Variants in TAAR1 observed in about 807,000 individuals in gnomAD.
TAAR1 encodes the protein trace amine-associated receptor 1.
Under a neutral mutation model 1.2 loss-of-function variants are expected in TAAR1, and 1 was observed. That is an observed-to-expected ratio of 0.81 (90% CI 0.29 to 3.86). The LOEUF is 3.86. Among genes scored for constraint, TAAR1 ranks in the 30% most tolerant of loss-of-function variants. TAAR1 has a pLI of 0.18. For missense variants in TAAR1, 445 were observed against 405.6 expected, an observed-to-expected ratio of 1.10 and a Z score of -0.83; for synonymous variants, 153 against 132.2, an observed-to-expected ratio of 1.16 and a Z score of -1.08.
chr6:132,658,022 C>T (rs1777825922), intron 1 of TAAR1, among the ~76,000 whole-genome samples: 1 of 151,794 alleles, frequency 6.6e-6, no homozygotes, highest in African/African-American at 2.4e-5. Context: ...ATCTATTTTA[C>T]CTTTGTACTA....
chr6:132,649,796 G>A (rs572922933), intron 1 of TAAR1, among the ~76,000 whole-genome samples: 4 of 152,170 alleles, frequency 2.6e-5, no homozygotes, highest in Admixed American at 2.6e-4. Context: ...CATGACACGT[G>A]GGGATTATGA....
Position 132,644,926 on chromosome 6 carries a change from T to C in TAAR1, c.*58A>G, listed in dbSNP as rs977398773. On this transcript the variant is annotated 3_prime_UTR_variant, in exon 2 of 2. Transcript: ENST00000275216. Reference sequence around the variant, plus strand: ...TGTGGTTGGTGCATGTGGTTCGTTATGTTGTGTTCATAAATATGATCATCA... The same window carrying C: ...TGTGGTTGGTGCATGTGGTTCGTTACGTTGTGTTCATAAATATGATCATCA... The C allele has an allele frequency of 1.0e-5, 14 of 1,389,094 alleles. No homozygotes were observed. The highest frequency in any genetic ancestry group is 5.0e-4 in the Middle Eastern group (2 of 4,014). 86.0% of individuals were successfully genotyped at this position (1,389,094 alleles called of 1,614,324 possible). A position where few individuals can be genotyped will look rare whatever the true frequency, so the allele number is the denominator to read the frequency against.
chr6:132,656,345 T>C (rs1472500489), intron 1 of TAAR1, among the ~76,000 whole-genome samples: 1 of 152,100 alleles, frequency 6.6e-6, no homozygotes, highest in African/African-American at 2.4e-5. Context: ...AATACACATA[T>C]ATTTAAATTT....
intron 1 of TAAR1, among the ~76,000 whole-genome samples, chr6:132,647,691 GGAAGGAAGGAAA>G (rs1315756921): frequency 1.3e-5 from 2 of 151,092 alleles, no homozygotes; most frequent in African/African-American, 4.9e-5. Context: ...AAGAAAGAAA[GGAAGGAAGGAAA>G]GAAGGAAGGA....
At chr6:132,646,219 T>C (rs1171026277) in intron 1 of TAAR1, among the ~76,000 whole-genome samples, 90 bp from the exon 2 acceptor site, 3 of 152,152 alleles carry the variant, frequency 2.0e-5, no homozygotes, top group Non-Finnish European at 4.4e-5. Context: ...TGAAGAATAG[T>C]TATTTTGGAA....
chr6:132,647,623 GGAAAGAAA>G (rs1554208955), intron 1 of TAAR1, among the ~76,000 whole-genome samples: 6,339 of 102,850 alleles, frequency 0.062, 205 homozygotes, highest in South Asian at 0.078. Context: ...GAAAGAAAAA[GGAAAGAAA>G]GAAAGAAAGA....
chr6:132,658,550 A>AT (rs1400459110), intron 1 of TAAR1, among the ~76,000 whole-genome samples: 1 of 152,140 alleles, frequency 6.6e-6, no homozygotes, highest in Non-Finnish European at 1.5e-5. Flanking sequence ...GTTGAAAGGG[A>AT]TTATGTTAAT....
At chr6:132,654,658 T>A (rs1777783981) in intron 1 of TAAR1, among the ~76,000 whole-genome samples, 1 of 152,224 alleles carries the variant, frequency 6.6e-6, no homozygotes, top group Admixed American at 6.5e-5. Context: ...CCATGTATAC[T>A]TTAAAAAGGA....
At position 132,651,655 on chromosome 6, in the gene TAAR1, A is replaced by G. The variant is rs75499519; in HGVS notation, c.-126-5526T>C. Among the ~76,000 whole-genome samples, 1,052 of 152,268 alleles carry G rather than the reference A, an allele frequency of 6.9e-3. 15 individuals are homozygous for G. Among genetic ancestry groups the G allele is most frequent in the African/African-American group, 0.024 (984 of 41,544 alleles). ...TATCACCATCCTGGTCCAAGCCACC[A>G]ACAATCTCCAGATTAATCTAATAAC... is the stretch of plus-strand genomic sequence containing the variant. On this transcript the variant is annotated intron_variant, in intron 1 of 1. Coordinates refer to ENST00000275216, the MANE Select transcript of TAAR1 (RefSeq NM_138327.4).
chr6:132,658,901 T>C (rs1240582018), intron 1 of TAAR1, among the ~76,000 whole-genome samples: 1 of 152,178 alleles, frequency 6.6e-6, no homozygotes, highest in Non-Finnish European at 1.5e-5. Context: ...TATTTAAAAA[T>C]ATATAACCAT....
In TAAR1 at chr6:132,644,350, G is replaced by T. The variant is rs141728882; in HGVS notation, c.*634C>A. 6.7e-3 allele frequency among the ~76,000 whole-genome samples: 1,004 copies of T among 150,924 alleles called. 8 individuals are homozygous for T. The highest frequency in any genetic ancestry group is 7.6e-3 in the Non-Finnish European group (514 of 67,608). Reference sequence around the variant, plus strand: ...TAATCCTTACCAGGAAGTATACTATGAATAACATTTTTTTAATTTCATTTG... The same window carrying T: ...TAATCCTTACCAGGAAGTATACTATTAATAACATTTTTTTAATTTCATTTG... On this transcript the variant is annotated 3_prime_UTR_variant, in exon 2 of 2. Transcript: ENST00000275216.
chr6:132,654,914 G>A (rs1430840752), intron 1 of TAAR1, among the ~76,000 whole-genome samples: 1 of 152,184 alleles, frequency 6.6e-6, no homozygotes, highest in Non-Finnish European at 1.5e-5. Flanking sequence ...AAAATCAAGA[G>A]TGAGGAAAGT....
chr6:132,649,863 T>C (rs989450333), intron 1 of TAAR1, among the ~76,000 whole-genome samples: 1 of 152,138 alleles, frequency 6.6e-6, no homozygotes, highest in African/African-American at 2.4e-5. Context: ...AACTTCCTCC[T>C]ATTGCAGGCA....
In TAAR1 at chr6:132,645,159, G is replaced by A; in HGVS notation, c.845C>T (p.Pro282Leu). 1.2e-6 allele frequency: 2 copies of A among 1,612,526 alleles called. No homozygotes were observed. Among genetic ancestry groups the A allele is most frequent in the Non-Finnish European group, 1.7e-6 (2 of 1,179,444 alleles). ...VMDPFLHYII[P>L]PTLNDVLIWF... ...AATCAATACATCATTCAAAGTAGGT[G>A]GAATAATGTAGTGAAGAAAAGGGTC... is the stretch of plus-strand genomic sequence containing the variant. The change falls in exon 2 of 2, where the codon CCA becomes CTA. Residue 282 changes from proline to leucine, a missense_variant. Transcript: ENST00000275216.
chr6:132,645,393 G>A lies in TAAR1; in HGVS notation c.611C>T (p.Ser204Phe), dbSNP rs1357372517. The A allele has an allele frequency of 6.2e-7, 1 of 1,613,490 alleles. No homozygotes were observed. The highest frequency in any genetic ancestry group is 8.5e-7 in the Non-Finnish European group (1 of 1,179,750). Residue 204 changes from serine (S) to phenylalanine (F), a missense_variant, in exon 2 of 2, where the codon TCT (serine) becomes TTT (phenylalanine). Coordinates refer to ENST00000275216, the MANE Select transcript of TAAR1 (RefSeq NM_138327.4). ...TFMTSFYIPG[S>F]IMLCVYYRIY... ...TCTGTAATAGACACATAACATAATAGATCCAGGTATATAAAAAGAAGTCAT... is the reference window on the plus strand; with the variant it reads ...TCTGTAATAGACACATAACATAATAAATCCAGGTATATAAAAAGAAGTCAT...
At chr6:132,657,252 G>A (rs1054960021) in intron 1 of TAAR1, among the ~76,000 whole-genome samples, 1 of 152,100 alleles carries the variant, frequency 6.6e-6, no homozygotes, top group African/African-American at 2.4e-5. Flanking sequence ...ATTTTGGACA[G>A]TTGGTCTAGC....
Position 132,645,355 on chromosome 6 carries a change from CGA to C in TAAR1, c.647_648del (p.Ile216SerfsTer2). 6.2e-7 allele frequency: 1 copy of C among 1,613,182 alleles called. No individual in the cohort carries two copies. The highest frequency in any genetic ancestry group is 8.5e-7 in the Non-Finnish European group (1 of 1,179,660). ...CTAATTAATCTTGCCTGTTCTTTAG[CGA>C]TAAGATATATTCTGTAATAGACACA... ...MLCVYYRIYL[I>X]AKEQARLISD... On this transcript the variant is annotated frameshift_variant, in exon 2 of 2. Transcript: ENST00000275216. LOFTEE classifies it low-confidence loss of function (END_TRUNC).
chr6:132,648,850 T>C (rs1387067799), intron 1 of TAAR1, among the ~76,000 whole-genome samples: 1 of 152,208 alleles, frequency 6.6e-6, no homozygotes, highest in Non-Finnish European at 1.5e-5. Context: ...GAATATACAA[T>C]AGCAATATGG....
chr6:132,656,825 A>G (rs936286358), intron 1 of TAAR1, among the ~76,000 whole-genome samples: 4 of 152,224 alleles, frequency 2.6e-5, no homozygotes, highest in Admixed American at 6.5e-5. Context: ...TAGGATGACA[A>G]TTCAACAATC....
Sources: gnomAD v4.1 joint callset for allele counts (sites outside exome capture counted in the v4.1 genomes callset) on GRCh38, gnomAD v4.1.1 for gene constraint, MANE v1.5 for transcripts, NCBI Gene and HGNC (gene_info 2026-07-23, HGNC 2026-07-21) for gene names.